Variants in TAF3 observed in about 807,000 individuals in gnomAD.
TAF3 encodes the protein transcription initiation factor TFIID subunit 3.
A neutral mutation model predicts 80.6 loss-of-function variants in TAF3; 7 were observed. The observed-to-expected ratio is 0.09, with a 90% confidence interval of 0.05 to 0.16. The LOEUF (loss-of-function observed/expected upper bound fraction) is 0.16, where lower values mean the gene tolerates loss of function less well. TAF3 is among the 10% of genes least tolerant of loss of function. The probability of loss-of-function intolerance (pLI) is 1.00; values close to 1 mark genes in which losing one functional copy is unlikely to be tolerated. For missense variants in TAF3, 921 were observed against 1,140.2 expected, an observed-to-expected ratio of 0.81 and a Z score of 2.77; for synonymous variants, 444 against 446.1, an observed-to-expected ratio of 1.00 and a Z score of 0.06.
intron 2 of TAF3, among the ~76,000 whole-genome samples, chr10:7,934,246 A>G (rs1198941417): frequency 6.6e-6 from 1 of 152,212 alleles, no homozygotes; most frequent in Non-Finnish European, 1.5e-5. Flanking sequence ...GTAAGTGTTC[A>G]GTTAGTCTAA....
At chr10:8,002,847 A>G (rs970480059) in intron 4 of TAF3, among the ~76,000 whole-genome samples, 2 of 152,082 alleles carry the variant, frequency 1.3e-5, no homozygotes, top group Non-Finnish European at 2.9e-5. Context: ...TTTTTGCTTT[A>G]TATGTTTTGC....
chr10:7,872,253 C>T (rs1436349510), intron 2 of TAF3, among the ~76,000 whole-genome samples: 1 of 132,554 alleles, frequency 7.5e-6, no homozygotes, highest in African/African-American at 2.8e-5. Context: ...CCAGTAGCTA[C>T]CCGCTCCTCC....
At chr10:7,970,162 G>T (rs1831608605) in intron 3 of TAF3, among the ~76,000 whole-genome samples, 1 of 152,098 alleles carries the variant, frequency 6.6e-6, no homozygotes, top group South Asian at 2.1e-4. Context: ...TGCATAATTG[G>T]GAGTTGTCGA....
Position 7,965,186 on chromosome 10 carries a change from T to C in TAF3, c.1676T>C (p.Val559Ala), listed in dbSNP as rs570717852. The C allele has an allele frequency of 3.1e-6, 5 of 1,605,616 alleles. No homozygotes were observed. The East Asian group carries it at 1.1e-4, about 36-fold the overall frequency. Residue 559 changes from valine to alanine, a missense_variant, in exon 3 of 7, where the codon GTG (valine) becomes GCG (alanine). By Grantham distance (64) the Val-to-Ala change is moderately conservative. Coordinates refer to ENST00000344293, the MANE Select transcript of TAF3 (RefSeq NM_031923.4). The part of the protein sequence containing the change: ...NKDKSKEKDK[V>A]KEKEKDKETG... ...GACAAAAGTAAGGAGAAGGATAAAG[T>C]GAAAGAGAAAGAGAAAGACAAGGAA...
chr10:7,830,713 ACCT>A (rs1836790966), intron 2 of TAF3, among the ~76,000 whole-genome samples: 1 of 151,892 alleles, frequency 6.6e-6, no homozygotes, highest in Non-Finnish European at 1.5e-5. Flanking sequence ...GGAACTCCTG[ACCT>A]CAAGTGATCC....
Position 7,880,661 on chromosome 10 carries a change from A to T in TAF3, c.409+56101A>T, listed in dbSNP as rs1001441357. Reference sequence around the variant, plus strand: ...TAGAATAAGCTACTCTACACAGTACATGTTGTATCTTTCCATGCCTTTAAG... The same window carrying T: ...TAGAATAAGCTACTCTACACAGTACTTGTTGTATCTTTCCATGCCTTTAAG... On this transcript the variant is annotated intron_variant, in intron 2 of 6. Transcript: ENST00000344293. 3.9e-5 allele frequency among the ~76,000 whole-genome samples: 6 copies of T among 152,244 alleles called. No homozygotes were observed. The South Asian group carries it at 1.2e-3, about 32-fold the overall frequency.
At chr10:7,837,396 A>C (rs533647616) in intron 2 of TAF3, among the ~76,000 whole-genome samples, 2 of 150,108 alleles carry the variant, frequency 1.3e-5, no homozygotes, top group South Asian at 4.2e-4. Flanking sequence ...TAATTTCAGC[A>C]CTTTGAGAGG....
At chr10:7,975,383 T>TA (rs1382179880) in intron 3 of TAF3, among the ~76,000 whole-genome samples, 1 of 152,190 alleles carries the variant, frequency 6.6e-6, no homozygotes, top group African/African-American at 2.4e-5. Flanking sequence ...TCTTAAGACT[T>TA]ACTAGGGTCA....
At chr10:8,013,962 TG>T in intron 6 of TAF3, 125 bp downstream of exon 6, 1 of 730,734 alleles carries the variant, frequency 1.4e-6, no homozygotes, top group East Asian at 2.5e-5. Context: ...GGACAGTACA[TG>T]GAGTCAAATC....
chr10:7,878,482 A>G (rs551007539), intron 2 of TAF3, among the ~76,000 whole-genome samples: 1 of 152,128 alleles, frequency 6.6e-6, no homozygotes, highest in South Asian at 2.1e-4. Flanking sequence ...GGTACAGGTG[A>G]TGTTCTCTGT....
At chr10:7,839,286 A>G (rs558123578) in intron 2 of TAF3, among the ~76,000 whole-genome samples, 13 of 152,064 alleles carry the variant, frequency 8.5e-5, no homozygotes, top group Non-Finnish European at 1.6e-4. Flanking sequence ...ATATTTTGTT[A>G]TAATTGCTGG....
rs746782194 is a variant in TAF3 at position 7,963,984 on chromosome 10, G to A, written c.474G>A (p.Leu158=). 1 of 1,614,044 alleles carries A rather than the reference G, an allele frequency of 6.2e-7. No homozygotes were observed. Among genetic ancestry groups the A allele is most frequent in the African/African-American group, 1.3e-5 (1 of 74,998 alleles). ...GTSAEAMQVP[L]EEDDELEEEE... The stretch of plus-strand genomic sequence containing the variant: ...CAGCAGAAGCCATGCAGGTTCCCTT[G>A]GAAGAAGATGATGAATTGGAGGAGG... The change falls in exon 3 of 7, where the codon TTG becomes TTA. Residue 158 remains leucine (L), a synonymous_variant. Transcript: ENST00000344293.
chr10:7,878,005 G>C (rs1204800728), intron 2 of TAF3, among the ~76,000 whole-genome samples: 3 of 152,166 alleles, frequency 2.0e-5, no homozygotes, highest in African/African-American at 7.2e-5. Context: ...TTGCAACTTG[G>C]CATTTATTCA....
intron 3 of TAF3, among the ~76,000 whole-genome samples, chr10:7,973,441 A>G (rs979417576): frequency 1.3e-5 from 2 of 152,244 alleles, no homozygotes; most frequent in Non-Finnish European, 2.9e-5. Flanking sequence ...GTTGAAGAAT[A>G]TAAGAACTTC....
chr10:7,823,334 TA>T lies in TAF3; in HGVS notation c.167-970del, dbSNP rs948457411. ...CACAGCACACTACTTATTTGATGATTAAAAAAAAAAAAAAGGCCAGGCACAT... is the reference window on the plus strand; with the variant it reads ...CACAGCACACTACTTATTTGATGATTAAAAAAAAAAAAAGGCCAGGCACAT... On this transcript the variant is annotated intron_variant, in intron 1 of 6. Transcript: ENST00000344293. 9.4e-3 allele frequency among the ~76,000 whole-genome samples: 1,276 copies of T among 135,436 alleles called. 6 individuals are homozygous for T. The highest frequency in any genetic ancestry group is 0.022 in the African/African-American group (802 of 36,952). The allele number at this position is 135,436 out of a possible 152,430, so 88.9% of individuals were successfully genotyped here.
intron 2 of TAF3, among the ~76,000 whole-genome samples, chr10:7,907,355 G>T (rs1343219659): frequency 6.6e-6 from 1 of 152,108 alleles, no homozygotes; most frequent in Non-Finnish European, 1.5e-5. Context: ...ATCCTTGCTG[G>T]CAGATGAGAT....
rs527356726 is a variant in TAF3, at chr10:7,871,435, C to CTTTTTTTTT, written c.409+46892_409+46900dup. Among the ~76,000 whole-genome samples, 292 of 69,088 alleles carry CTTTTTTTTT rather than the reference C, an allele frequency of 4.2e-3. 20 individuals carry two copies. The highest frequency in any genetic ancestry group is 4.4e-3 in the African/African-American group (91 of 20,534). 45.3% of individuals were successfully genotyped at this position (69,088 alleles called of 152,430 possible). ...CTAAATTGATGACAAATAACTGCTG[C>CTTTTTTTTT]TTTTTTTTTTTTTTTTTTTTTTTTT... On this transcript the variant is annotated intron_variant, in intron 2 of 6. Coordinates refer to ENST00000344293, the MANE Select transcript of TAF3 (RefSeq NM_031923.4).
intron 4 of TAF3, among the ~76,000 whole-genome samples, 173 bp from the exon 5 acceptor site, chr10:8,008,905 T>G (rs1396351913): frequency 6.6e-6 from 1 of 152,240 alleles, no homozygotes; most frequent in African/African-American, 2.4e-5. Flanking sequence ...TTCGTCTGAG[T>G]AAGTGGAGAG....
intron 4 of TAF3, among the ~76,000 whole-genome samples, chr10:8,006,169 A>G (rs1377849545): frequency 2.2e-5 from 3 of 137,868 alleles, no homozygotes; most frequent in Admixed American, 7.7e-5. Flanking sequence ...GTCTCTACTG[A>G]AAAAAAAAAT....
Sources: gnomAD v4.1 joint callset for allele counts (sites outside exome capture counted in the v4.1 genomes callset) on GRCh38, gnomAD v4.1.1 for gene constraint, MANE v1.5 for transcripts, NCBI Gene and HGNC (gene_info 2026-07-23, HGNC 2026-07-21) for gene names.